STXBP4: variants seen among roughly 807,000 people sequenced by gnomAD.
STXBP4 encodes the protein syntaxin binding protein 4.
In STXBP4, 55 loss-of-function variants were observed where a neutral mutation model predicts 76.1. The ratio of observed to expected loss-of-function variants is 0.72; its 90% CI spans 0.58 to 0.91. The LOEUF (loss-of-function observed/expected upper bound fraction) is 0.91. Ranked by LOEUF, STXBP4 falls within the 40% of genes least tolerant of loss-of-function variation. STXBP4 has a pLI of 0.00. For synonymous variants in STXBP4, 201 were observed against 220.2 expected (o/e 0.91, Z 0.77); for missense variants, 618 against 636.9 (o/e 0.97, Z 0.32).
intron 17 of STXBP4, among the ~76,000 whole-genome samples, 155 bp downstream of exon 17, chr17:55,141,522 T>A (rs964001679): frequency 6.6e-6 from 1 of 152,148 alleles, no homozygotes; most frequent in Admixed American, 6.5e-5. Context: ...TTCATGTGAT[T>A]TAAATGCTAA....
At chr17:55,020,916 A>G (rs1453977598) in intron 8 of STXBP4, among the ~76,000 whole-genome samples, 1 of 152,202 alleles carries the variant, frequency 6.6e-6, no homozygotes, top group East Asian at 1.9e-4. Flanking sequence ...ACCTCTGGAA[A>G]AGATTTACAT....
chr17:55,131,213 A>C (rs2079970469), intron 16 of STXBP4, among the ~76,000 whole-genome samples: 1 of 152,178 alleles, frequency 6.6e-6, no homozygotes, highest in African/African-American at 2.4e-5. Context: ...CCATTCTAAC[A>C]GGTGTGAAGT....
chr17:55,096,933 G>T (rs1001078736), intron 16 of STXBP4, among the ~76,000 whole-genome samples: 1 of 151,504 alleles, frequency 6.6e-6, no homozygotes, highest in Non-Finnish European at 1.5e-5. Context: ...ACTGAATTTT[G>T]TCCTAAACTG....
chr17:54,999,968 A>G, intron 6 of STXBP4, 126 bp downstream of exon 6: 3 of 828,368 alleles, frequency 3.6e-6, no homozygotes, highest in African/African-American at 3.5e-5. Context: ...TTTCTTTGAA[A>G]GATTTTTTTC....
chr17:55,164,474 C>T lies in STXBP4; in HGVS notation c.*4563C>T, dbSNP rs1323242136. 8.0e-5 allele frequency: 9 copies of T among 112,838 alleles called. No individual in the cohort carries two copies. Among genetic ancestry groups the T allele is most frequent in the African/African-American group, 2.8e-4 (8 of 28,896 alleles). The allele number at this position is 112,838 out of a possible 1,614,324, so 7.0% of individuals were successfully genotyped here. ...TTTTTTTTTTTTTGAGACGGAGTCT[C>T]GCTCTGTCGCCCAGGCGGGACTGCG... is the stretch of plus-strand genomic sequence containing the variant. On this transcript the variant is annotated 3_prime_UTR_variant, in exon 18 of 18. Transcript: ENST00000376352.
At chr17:55,177,355 C>T (rs1262625067), downstream of STXBP4, among the ~76,000 whole-genome samples, 1 of 152,214 alleles carries the variant, frequency 6.6e-6, no homozygotes, top group Non-Finnish European at 1.5e-5. Context: ...AGCGCCCTCA[C>T]CTGTTCAACA....
At chr17:55,208,597 GGAAGGAAGGAAA>G in the STXBP4 span, among the ~76,000 whole-genome samples, 2 of 148,732 alleles carry the variant, frequency 1.3e-5, no homozygotes, top group African/African-American at 5.1e-5. Context: ...AAGGAAGGAA[GGAAGGAAGGAAA>G]GAGAGAGGGA....
At chr17:55,129,922 C>T (rs532465563) in intron 16 of STXBP4, among the ~76,000 whole-genome samples, 1 of 152,048 alleles carries the variant, frequency 6.6e-6, no homozygotes, top group Non-Finnish European at 1.5e-5. Context: ...TCCTGGTGGG[C>T]CTGACCTACA....
In STXBP4 at chr17:55,124,752, A is replaced by G. The variant is rs549528309; in HGVS notation, c.1490-16558A>G. Among the ~76,000 whole-genome samples the G allele has an allele frequency of 5.3e-5, 8 of 152,360 alleles. No homozygotes were observed. The South Asian group carries it at 1.0e-3, about 20-fold the overall frequency. ...TGAGAGGCTTAAACAACAAAATTTTATTTCTCACAATTCTGGAGACTAGAA... is the reference window on the plus strand; with the variant it reads ...TGAGAGGCTTAAACAACAAAATTTTGTTTCTCACAATTCTGGAGACTAGAA... On this transcript the variant is annotated intron_variant, in intron 16 of 17. Coordinates refer to ENST00000376352, the MANE Select transcript of STXBP4 (RefSeq NM_178509.6).
chr17:55,064,659 C>T (rs954716454), intron 12 of STXBP4, among the ~76,000 whole-genome samples: 4 of 152,072 alleles, frequency 2.6e-5, no homozygotes, highest in African/African-American at 9.7e-5. Flanking sequence ...CCACCCGCCA[C>T]CATGCCCGGC....
At chr17:54,989,130 CAG>C (rs1749019352) in intron 3 of STXBP4, among the ~76,000 whole-genome samples, 1 of 152,146 alleles carries the variant, frequency 6.6e-6, no homozygotes, top group African/African-American at 2.4e-5. Context: ...CTTTTTGAGA[CAG>C]AGTCTCGCTC....
intron 14 of STXBP4, 61 bp from the exon 15 acceptor site, chr17:55,078,625 A>G: frequency 1.9e-6 from 2 of 1,050,352 alleles, no homozygotes; most frequent in Non-Finnish European, 2.9e-6. Flanking sequence ...TAATGAAGAA[A>G]AGATATTTTT....
chr17:54,972,859 T>C (rs1180977079), intron 1 of STXBP4, among the ~76,000 whole-genome samples: 2 of 152,012 alleles, frequency 1.3e-5, no homozygotes, highest in African/African-American at 4.8e-5. Flanking sequence ...CTTGCTCAAT[T>C]CCCCCCATAT....
chr17:55,148,620 C>A (rs1007983585), intron 17 of STXBP4, among the ~76,000 whole-genome samples: 2 of 151,932 alleles, frequency 1.3e-5, no homozygotes, highest in African/African-American at 4.8e-5. Flanking sequence ...CTCAGTGCAA[C>A]CTCCACCTCC....
chr17:54,984,370 T>C (rs944054871), intron 1 of STXBP4, among the ~76,000 whole-genome samples: 2 of 136,424 alleles, frequency 1.5e-5, no homozygotes, highest in African/African-American at 5.6e-5. Flanking sequence ...TGAGACGGAG[T>C]CTGGCTCTGT....
intron 16 of STXBP4, among the ~76,000 whole-genome samples, chr17:55,085,430 T>C (rs1292459787): frequency 1.3e-5 from 2 of 152,172 alleles, no homozygotes; most frequent in Non-Finnish European, 2.9e-5. Context: ...TAATCATTAT[T>C]ACAAGTACCC....
chr17:55,196,477 C>T, the STXBP4 span, among the ~76,000 whole-genome samples: 2 of 152,218 alleles, frequency 1.3e-5, no homozygotes, highest in South Asian at 4.1e-4. Flanking sequence ...ACTTGTTGAG[C>T]TTTCATTCAC....
intron 16 of STXBP4, among the ~76,000 whole-genome samples, chr17:55,101,859 G>C (rs1305198113): frequency 6.6e-6 from 1 of 152,188 alleles, no homozygotes; most frequent in East Asian, 1.9e-4. Flanking sequence ...GACATGTTCA[G>C]AGTTAGTAAA....
intron 10 of STXBP4, among the ~76,000 whole-genome samples, chr17:55,038,865 G>A (rs1015560933): frequency 5.3e-5 from 8 of 151,992 alleles, no homozygotes; most frequent in Non-Finnish European, 7.4e-5. Context: ...AGTGGGCTGC[G>A]ACTACCATTT....
Sources: gnomAD v4.1 joint callset for allele counts (sites outside exome capture counted in the v4.1 genomes callset) on GRCh38, gnomAD v4.1.1 for gene constraint, MANE v1.5 for transcripts, NCBI Gene and HGNC (gene_info 2026-07-23, HGNC 2026-07-21) for gene names.